The following SCN8A variants were observed in gnomAD, a reference collection of about 807,000 sequenced individuals.
SCN8A encodes sodium voltage-gated channel alpha subunit 8, also known as sodium channel protein type 8 subunit alpha.
A neutral mutation model predicts 184.1 loss-of-function variants in SCN8A; 30 were observed. That is an observed-to-expected ratio of 0.16 (90% CI 0.12 to 0.22). The LOEUF is 0.22. SCN8A is among the 10% of genes least tolerant of loss of function. The pLI, the probability that SCN8A is intolerant of heterozygous loss-of-function variation, is 1.00. For missense variants in SCN8A, 1,057 were observed against 2,498.9 expected, an observed-to-expected ratio of 0.42 and a Z score of 12.30; for synonymous variants, 852 against 907.0, an observed-to-expected ratio of 0.94 and a Z score of 1.09.
intron 6 of SCN8A, chr12:51,689,389 G>T (rs1287193932): frequency 3.1e-6 from 1 of 324,592 alleles, no homozygotes; most frequent in Non-Finnish European, 5.7e-6. Flanking sequence ...CTGTCTCTTT[G>T]TATATAAATC....
At chr12:51,593,060 A>G (rs1247209808) in intron 1 of SCN8A, among the ~76,000 whole-genome samples, 1 of 152,186 alleles carries the variant, frequency 6.6e-6, no homozygotes, top group African/African-American at 2.4e-5. Flanking sequence ...AAATGCTGAA[A>G]GCTTTATAGC....
intron 1 of SCN8A, among the ~76,000 whole-genome samples, chr12:51,626,512 C>T (rs79734814): frequency 2.0e-5 from 3 of 152,128 alleles, no homozygotes; most frequent in South Asian, 2.1e-4. Context: ...AGACTTTGTC[C>T]TCAAGGAGCT....
chr12:51,639,937 T>A (rs1940410470), intron 1 of SCN8A, among the ~76,000 whole-genome samples: 1 of 134,578 alleles, frequency 7.4e-6, no homozygotes, highest in African/African-American at 2.9e-5. Context: ...TCTCAGCTTG[T>A]TGCCCAGGCT....
chr12:51,620,710 A>G (rs189703510), intron 1 of SCN8A, among the ~76,000 whole-genome samples: 3 of 151,282 alleles, frequency 2.0e-5, no homozygotes, highest in Admixed American at 2.0e-4. Context: ...GAAAAAAACT[A>G]TGTGTGGTGA....
rs559325293 is a variant in SCN8A at position 51,612,703 on chromosome 12, C to A, written c.-55+21344C>A. Among the ~76,000 whole-genome samples, 3 of 152,194 alleles carry A rather than the reference C, an allele frequency of 2.0e-5. No individual in the cohort carries two copies. In the East Asian group the frequency reaches 5.8e-4, roughly 29 times the overall value. On this transcript the variant is annotated intron_variant, in intron 1 of 26. Coordinates refer to ENST00000627620, the MANE Select transcript of SCN8A (RefSeq NM_001330260.2). Reference sequence around the variant, plus strand: ...TGCCACTTGGTGGTGATGTATTCTCCTATATTGTTGGATATGATTTGCTAA... The same window carrying A: ...TGCCACTTGGTGGTGATGTATTCTCATATATTGTTGGATATGATTTGCTAA...
Position 51,763,324 on chromosome 12 carries a change from A to G in SCN8A, c.2544+648A>G, listed in dbSNP as rs547282477. Among the ~76,000 whole-genome samples, 5 of 152,344 alleles carry G rather than the reference A, an allele frequency of 3.3e-5. No homozygotes were observed. In the East Asian group the frequency reaches 5.8e-4, roughly 18 times the overall value. ...TTCAATAAATTACATGAGATATTCAATACTTTATTATAAAATGGGCTTTGT... is the reference window on the plus strand; with the variant it reads ...TTCAATAAATTACATGAGATATTCAGTACTTTATTATAAAATGGGCTTTGT... On this transcript the variant is annotated intron_variant, in intron 15 of 26. Coordinates refer to ENST00000627620, the MANE Select transcript of SCN8A (RefSeq NM_001330260.2).
intron 26 of SCN8A, among the ~76,000 whole-genome samples, chr12:51,800,820 C>T (rs1408067354): frequency 6.6e-6 from 1 of 152,212 alleles, no homozygotes; most frequent in Non-Finnish European, 1.5e-5. Context: ...GGACCAGTTA[C>T]CCTGGTAAAA....
chr12:51,785,264 C>T, intron 21 of SCN8A, among the ~76,000 whole-genome samples: 1 of 152,174 alleles, frequency 6.6e-6, no homozygotes, highest in African/African-American at 2.4e-5. Flanking sequence ...TTTCAGATAT[C>T]CTGGCTTTCC....
intron 1 of SCN8A, among the ~76,000 whole-genome samples, chr12:51,629,236 T>C (rs1383571732): frequency 6.6e-6 from 1 of 152,194 alleles, no homozygotes; most frequent in Admixed American, 6.5e-5. Flanking sequence ...TTTTTCCTGG[T>C]AATTTGTGAA....
intron 6 of SCN8A, among the ~76,000 whole-genome samples, chr12:51,696,474 C>T (rs1420779757): frequency 6.6e-6 from 1 of 152,160 alleles, no homozygotes; most frequent in East Asian, 1.9e-4. Context: ...TGATGGCTGC[C>T]TTCTACTTTA....
chr12:51,681,692 C>T lies in SCN8A; in HGVS notation c.277-2482C>T, dbSNP rs1379925502. 3.3e-5 allele frequency among the ~76,000 whole-genome samples: 5 copies of T among 152,168 alleles called. No homozygotes were observed. The East Asian group carries it at 9.6e-4, about 29-fold the overall frequency. On this transcript the variant is annotated intron_variant, in intron 2 of 26. Transcript: ENST00000627620. ...TTACAGGAAGAATTTCACTGCAGTACAATGTCAAACACTAGGGATGGTGTA... is the reference window on the plus strand; with the variant it reads ...TTACAGGAAGAATTTCACTGCAGTATAATGTCAAACACTAGGGATGGTGTA...
At chr12:51,727,218 G>A (rs1479619575) in intron 12 of SCN8A, among the ~76,000 whole-genome samples, 1 of 152,048 alleles carries the variant, frequency 6.6e-6, no homozygotes. Flanking sequence ...AAACTTGTAC[G>A]GGGTTTAACT....
At chr12:51,665,274 G>A (rs910972991) in intron 2 of SCN8A, among the ~76,000 whole-genome samples, 2 of 152,166 alleles carry the variant, frequency 1.3e-5, no homozygotes, top group African/African-American at 4.8e-5. Flanking sequence ...GGACCTGATG[G>A]GTGTCATTCA....
chr12:51,651,753 T>TA (rs1333310161), intron 1 of SCN8A, among the ~76,000 whole-genome samples: 13 of 152,328 alleles, frequency 8.5e-5, no homozygotes, highest in Admixed American at 5.2e-4. Flanking sequence ...CTCTACATAT[T>TA]ACCTCTATGA....
At chr12:51,749,485 A>T (rs902291053) in intron 13 of SCN8A, among the ~76,000 whole-genome samples, 1 of 152,184 alleles carries the variant, frequency 6.6e-6, no homozygotes, top group African/African-American at 2.4e-5. Flanking sequence ...CCAAATATGT[A>T]CTGTAAGAAT....
intron 2 of SCN8A, among the ~76,000 whole-genome samples, chr12:51,670,717 A>G (rs1214566755): frequency 6.6e-6 from 1 of 152,160 alleles, no homozygotes; most frequent in Non-Finnish European, 1.5e-5. Context: ...GCTATGAAAT[A>G]ATGAAGGTCT....
chr12:51,774,247 C>G lies in SCN8A; in HGVS notation c.3704C>G (p.Ala1235Gly). The G allele has an allele frequency of 6.2e-7, 1 of 1,614,042 alleles. No homozygotes were observed. The highest frequency in any genetic ancestry group is 8.5e-7 in the Non-Finnish European group (1 of 1,179,908). Residue 1235 changes from alanine to glycine, a missense_variant, in exon 20 of 27, where the codon GCT becomes GGT. Ala to Gly is a moderately conservative substitution (Grantham distance 60). Transcript: ENST00000627620. ...RKTIRTILEY[A>G]DKVFTYIFIL... ...ACCATCCGCACCATCCTGGAATATG[C>G]TGACAAAGTCTTCACCTATATCTTC...
At chr12:51,703,865 T>A (rs1445293612) in intron 9 of SCN8A, among the ~76,000 whole-genome samples, 1 of 152,164 alleles carries the variant, frequency 6.6e-6, no homozygotes, top group Non-Finnish European at 1.5e-5. Flanking sequence ...TTCCCTCAGG[T>A]TGAATGTTTC....
rs576230526 is a variant in SCN8A at position 51,730,624 on chromosome 12, T to TA, written c.1998+8717dup. 1.3e-3 allele frequency among the ~76,000 whole-genome samples: 198 copies of TA among 152,330 alleles called. 1 individual carries two copies. The highest frequency in any genetic ancestry group is 4.6e-3 in the African/African-American group (190 of 41,574). ...TTATGAGGTACATGAGATACTTTGA[T>TA]ACAGGCATGCAATGCTTAATGATCA... On this transcript the variant is annotated intron_variant, in intron 12 of 26. Transcript: ENST00000627620.
Sources: allele counts gnomAD v4.1 joint callset (sites outside exome capture counted in the v4.1 genomes callset), GRCh38; gene constraint gnomAD v4.1.1; transcripts MANE v1.5; gene names NCBI Gene and HGNC (gene_info 2026-07-23, HGNC 2026-07-21).